The following PDXDC1 variants were observed in gnomAD, a reference collection of about 807,000 sequenced individuals.
PDXDC1 encodes the protein pyridoxal dependent decarboxylase domain containing 1.
In PDXDC1, 42 loss-of-function variants were observed where a neutral mutation model predicts 100.1. The observed-to-expected ratio is 0.42, with a 90% CI of 0.33 to 0.54. The LOEUF (loss-of-function observed/expected upper bound fraction) is 0.54. Among genes scored for constraint, PDXDC1 ranks in the 20% least tolerant of loss-of-function variants. PDXDC1 has a pLI of 0.10. For missense variants in PDXDC1, 636 were observed against 979.2 expected (o/e 0.65, Z 4.68); for synonymous variants, 260 against 371.7 (o/e 0.70, Z 3.46).
In PDXDC1 at chr16:15,034,280, C is replaced by T; in HGVS notation, c.1813-6C>T. ...ACAAGTAATGTCTTTCTTGGTCTTG[C>T]CACAGCTTCTGGAAAACATGACAGA... On this transcript the variant is annotated splice_region_variant and splice_polypyrimidine_tract_variant and intron_variant, in intron 19 of 22. Coordinates refer to ENST00000396410, the MANE Select transcript of PDXDC1 (RefSeq NM_015027.4). The T allele has an allele frequency of 6.2e-7, 1 of 1,612,652 alleles. No homozygotes were observed. The highest frequency in any genetic ancestry group is 8.5e-7 in the Non-Finnish European group (1 of 1,179,594).
At chr16:15,085,602 G>C (rs371739855) in intron 16 of PDXDC1, 2 of 1,602,386 alleles carry the variant, frequency 1.2e-6, no homozygotes, top group African/African-American at 2.7e-5. Context: ...ATGGGTGAAA[G>C]CTACTGTGCC....
chr16:15,033,495 T>C, intron 19 of PDXDC1, 96 bp downstream of exon 19: 1 of 1,358,526 alleles, frequency 7.4e-7, no homozygotes. Context: ...GGATGTCTGT[T>C]CGTTGTCTCT....
chr16:14,981,240 T>TA (rs1215776311), intron 1 of PDXDC1, among the ~76,000 whole-genome samples: 1 of 152,294 alleles, frequency 6.6e-6, no homozygotes, highest in African/African-American at 2.4e-5. Flanking sequence ...TGCTGGTAGA[T>TA]AAAAATCAAG....
chr16:15,029,929 G>GT (rs1159130438), intron 15 of PDXDC1, 22 bp from the exon 16 acceptor site: 1 of 1,546,546 alleles, frequency 6.5e-7, no homozygotes, highest in Non-Finnish European at 8.7e-7. Context: ...ACAGGAGGGT[G>GT]TTCATTGTGT....
At chr16:15,147,863 AT>A in the PDXDC1 span, among the ~76,000 whole-genome samples, 1 of 151,662 alleles carries the variant, frequency 6.6e-6, no homozygotes, top group Non-Finnish European at 1.5e-5. Context: ...TAATTTTTGT[AT>A]TTTTAGTAGA....
Position 15,117,630 on chromosome 16 carries a change from T to C in PDXDC1, c.1400-21249T>C, listed in dbSNP as rs1404227346. On this transcript the variant is annotated intron_variant, in intron 16 of 16. Coordinates refer to the PDXDC1 transcript ENST00000535621. ...ATCACTTGAAGCCAGGAGGTGGAGG[T>C]TGCAGTGAGCCGAGATCACACCATT... 2.4e-3 allele frequency among the ~76,000 whole-genome samples: 317 copies of C among 133,878 alleles called. 3 individuals carry two copies. Among genetic ancestry groups the C allele is most frequent in the African/African-American group, 8.4e-3 (296 of 35,150 alleles). The allele number at this position is 133,878 out of a possible 152,430, so 87.8% of individuals were successfully genotyped here.
chr16:15,143,850 G>A (rs1320844913), downstream of PDXDC1, among the ~76,000 whole-genome samples: 1 of 152,210 alleles, frequency 6.6e-6, no homozygotes, highest in Non-Finnish European at 1.5e-5. Flanking sequence ...TGCTGAGTGG[G>A]GTCTGGGGGC....
chr16:15,092,111 G>A (rs1244313105), intron 16 of PDXDC1, among the ~76,000 whole-genome samples: 4 of 152,156 alleles, frequency 2.6e-5, no homozygotes, highest in Admixed American at 6.6e-5. Flanking sequence ...CCTGGGAGGT[G>A]GAGGATGCAG....
chr16:15,087,670 T>C (rs7405315), intron 16 of PDXDC1, among the ~76,000 whole-genome samples: 74,079 of 152,030 alleles, frequency 0.49, 19,737 homozygotes, highest in Non-Finnish European at 0.6. Flanking sequence ...CCACAACTGT[T>C]AAGGATAACA....
intron 16 of PDXDC1, among the ~76,000 whole-genome samples, chr16:15,111,511 G>C (rs1235099787): frequency 6.8e-6 from 1 of 146,752 alleles, no homozygotes; most frequent in East Asian, 2.0e-4. Context: ...TGTAATCCTA[G>C]CACTTTGGGA....
At chr16:15,102,139 C>G (rs2046574820) in intron 16 of PDXDC1, among the ~76,000 whole-genome samples, 1 of 151,988 alleles carries the variant, frequency 6.6e-6, no homozygotes, top group Admixed American at 6.6e-5. Flanking sequence ...AGCCACTGAG[C>G]CTGGCCTGGT....
rs2048192363 is a variant in PDXDC1 at position 15,133,208 on chromosome 16, C to T, written c.1400-5671C>T. ...CAAAGCTCCAGGCAGGGGTACAGGT[C>T]TTGGTCCCCAGCACGCATGCAGCAG... is the stretch of plus-strand genomic sequence containing the variant. On this transcript the variant is annotated intron_variant, in intron 16 of 16. Transcript: ENST00000535621. 3.6e-5 allele frequency: 43 copies of T among 1,189,006 alleles called. 2 individuals are homozygous for T. In the South Asian group the frequency reaches 3.8e-4, roughly 10 times the overall value. 73.7% of individuals were successfully genotyped at this position (1,189,006 alleles called of 1,614,324 possible). A position where few individuals can be genotyped will look rare whatever the true frequency, so the allele number is the denominator to read the frequency against.
chr16:15,099,756 T>C (rs1296587094), intron 16 of PDXDC1, among the ~76,000 whole-genome samples: 1 of 152,208 alleles, frequency 6.6e-6, no homozygotes, highest in East Asian at 1.9e-4. Context: ...AATATATTGT[T>C]TGTAATACAA....
chr16:15,094,817 AC>A (rs1237197884), intron 16 of PDXDC1: 1 of 152,716 alleles, frequency 6.5e-6, no homozygotes, highest in East Asian at 1.9e-4. Flanking sequence ...AAGAGGTGTT[AC>A]CCCCTTGACT....
In PDXDC1 at chr16:15,004,248, A is replaced by G; in HGVS notation, c.304A>G (p.Ile102Val). ...GTTGGGACATAGTCTGGGAGCTTAT[A>G]TTTCAACTCTGGACAAAGAGAAGCT... is the stretch of plus-strand genomic sequence containing the variant. Reference protein sequence around the residue: ...ALLGHSLGAYISTLDKEKLRK... With the variant: ...ALLGHSLGAYVSTLDKEKLRK... The change falls in exon 5 of 23, where the codon ATT (isoleucine) becomes GTT (valine). Residue 102 changes from isoleucine (I) to valine (V), a missense_variant. Physicochemically the swap from Ile to Val is conservative, Grantham distance 29. Transcript: ENST00000396410. 1.2e-6 allele frequency: 2 copies of G among 1,614,198 alleles called. No individual in the cohort carries two copies.
intron 8 of PDXDC1, among the ~76,000 whole-genome samples, chr16:15,013,218 G>A (rs1324078122): frequency 2.0e-5 from 3 of 152,244 alleles, no homozygotes; most frequent in Admixed American, 1.3e-4. Context: ...GTGTGGTGGT[G>A]GGCACCTGTA....
intron 16 of PDXDC1, chr16:15,086,378 A>C (rs1185398696): frequency 6.2e-7 from 1 of 1,613,630 alleles, no homozygotes; most frequent in African/African-American, 1.3e-5. Context: ...TATAATACTG[A>C]TAAGTTGCTC....
chr16:15,129,073 C>T (rs1320499644), intron 16 of PDXDC1, among the ~76,000 whole-genome samples: 1 of 151,440 alleles, frequency 6.6e-6, no homozygotes, highest in Non-Finnish European at 1.5e-5. Context: ...CCAAAGTGCT[C>T]GGATTACAGG....
intron 16 of PDXDC1, chr16:15,085,637 A>ACTAT (rs1364237939): frequency 1.9e-6 from 3 of 1,612,768 alleles, no homozygotes; most frequent in Non-Finnish European, 2.5e-6. Flanking sequence ...TTTTATACTT[A>ACTAT]CTATCATCTT....
Sources: allele counts gnomAD v4.1 joint callset (sites outside exome capture counted in the v4.1 genomes callset), GRCh38; gene constraint gnomAD v4.1.1; transcripts MANE v1.5; gene names NCBI Gene and HGNC (gene_info 2026-07-23, HGNC 2026-07-21).